Variants in PTPRD observed in about 807,000 individuals in gnomAD.
PTPRD encodes receptor-type tyrosine-protein phosphatase delta.
In PTPRD, 34 loss-of-function variants were observed where a neutral mutation model predicts 214.5. The observed-to-expected ratio is 0.16, with a 90% confidence interval of 0.12 to 0.21. The LOEUF is 0.21. Among genes scored for constraint, PTPRD ranks in the 10% least tolerant of loss-of-function variants. The pLI is 1.00. For missense variants in PTPRD, 2,545 were observed against 2,398.7 expected, an observed-to-expected ratio of 1.06 and a Z score of -1.27; for synonymous variants, 1,128 against 845.7, an observed-to-expected ratio of 1.33 and a Z score of -5.79.
chr9:8,938,439 C>A (rs1366903149), intron 11 of PTPRD, among the ~76,000 whole-genome samples: 1 of 152,030 alleles, frequency 6.6e-6, no homozygotes, highest in Admixed American at 6.6e-5. Context: ...AATCATACGG[C>A]CAAAATATAC....
chr9:9,595,955 A>T (rs1228072039), intron 7 of PTPRD, among the ~76,000 whole-genome samples: 1 of 151,926 alleles, frequency 6.6e-6, no homozygotes, highest in Non-Finnish European at 1.5e-5. Context: ...ATAAAAAAAA[A>T]ATAAAAAATA....
chr9:9,930,027 CAAAA>C (rs1479599809), intron 5 of PTPRD, among the ~76,000 whole-genome samples: 2 of 151,968 alleles, frequency 1.3e-5, no homozygotes, highest in Non-Finnish European at 2.9e-5. Flanking sequence ...CTGTAGGAAA[CAAAA>C]CAAAACAAAA....
At chr9:9,980,639 A>AAC in intron 4 of PTPRD, among the ~76,000 whole-genome samples, 4 of 135,004 alleles carry the variant, frequency 3.0e-5, no homozygotes, top group South Asian at 2.4e-4. Flanking sequence ...AAAAAACAAA[A>AAC]AAAAAAACCC....
intron 4 of PTPRD, among the ~76,000 whole-genome samples, chr9:10,024,015 T>G (rs1447619026): frequency 6.6e-6 from 1 of 152,156 alleles, no homozygotes; most frequent in Admixed American, 6.5e-5. Context: ...TTTCCAATCA[T>G]GAGTACTTTC....
intron 2 of PTPRD, among the ~76,000 whole-genome samples, chr9:10,373,128 G>A (rs7032711): frequency 0.022 from 3,266 of 146,882 alleles, 125 homozygotes; most frequent in African/African-American, 0.077. Flanking sequence ...CACTGTGCCC[G>A]GCCTGTCTTT....
chr9:8,865,612 C>A (rs1448032078), intron 11 of PTPRD, among the ~76,000 whole-genome samples: 1 of 152,012 alleles, frequency 6.6e-6, no homozygotes, highest in African/African-American at 2.4e-5. Context: ...TATAATTTCA[C>A]CCTATTAAAT....
chr9:8,436,712 A>C, intron 34 of PTPRD, 23 bp from the exon 35 acceptor site: 1 of 1,554,496 alleles, frequency 6.4e-7, no homozygotes, highest in Non-Finnish European at 8.9e-7. Context: ...GCAAAGAAGA[A>C]ACACATTTGA....
chr9:8,843,559 C>G (rs1057236530), intron 11 of PTPRD, among the ~76,000 whole-genome samples: 1 of 152,074 alleles, frequency 6.6e-6, no homozygotes, highest in Admixed American at 6.6e-5. Flanking sequence ...GGTTATTAAC[C>G]ACTTCAAATG....
chr9:9,700,932 T>C (rs1454900787), intron 7 of PTPRD, among the ~76,000 whole-genome samples: 1 of 152,024 alleles, frequency 6.6e-6, no homozygotes, highest in Non-Finnish European at 1.5e-5. Context: ...ATACTAGGTG[T>C]TAACAGCAAA....
intron 2 of PTPRD, among the ~76,000 whole-genome samples, chr9:10,576,854 C>A (rs1033210961): frequency 2.6e-5 from 4 of 152,098 alleles, no homozygotes; most frequent in African/African-American, 9.7e-5. Flanking sequence ...TCATTGTTAA[C>A]AAGGGTAGAT....
At chr9:8,854,285 G>A (rs1043304553) in intron 11 of PTPRD, among the ~76,000 whole-genome samples, 2 of 152,090 alleles carry the variant, frequency 1.3e-5, no homozygotes, top group East Asian at 1.9e-4. Context: ...TATACTGCCT[G>A]CAAATACACA....
chr9:9,252,238 T>C (rs771343201), intron 9 of PTPRD, among the ~76,000 whole-genome samples: 1 of 152,070 alleles, frequency 6.6e-6, no homozygotes, highest in Non-Finnish European at 1.5e-5. Context: ...ACTTCCCTTT[T>C]GTACAGGAAA....
intron 3 of PTPRD, among the ~76,000 whole-genome samples, chr9:10,327,488 T>A (rs1429739764): frequency 6.6e-6 from 1 of 151,536 alleles, no homozygotes; most frequent in African/African-American, 2.4e-5. Flanking sequence ...CCAGAAAGAT[T>A]TAATAAAAAT....
At chr9:9,713,245 G>C (rs1307622255) in intron 7 of PTPRD, among the ~76,000 whole-genome samples, 1 of 152,132 alleles carries the variant, frequency 6.6e-6, no homozygotes, top group Non-Finnish European at 1.5e-5. Context: ...TAAGCTTAAA[G>C]ACACAAATTC....
At chr9:10,542,612 T>C (rs917501930) in intron 2 of PTPRD, among the ~76,000 whole-genome samples, 5 of 152,190 alleles carry the variant, frequency 3.3e-5, no homozygotes, top group Non-Finnish European at 7.4e-5. Context: ...CTCAGAGTTA[T>C]AATAGTTGTT....
At chr9:10,184,306 T>A (rs2099317954) in intron 3 of PTPRD, among the ~76,000 whole-genome samples, 1 of 152,056 alleles carries the variant, frequency 6.6e-6, no homozygotes, top group Non-Finnish European at 1.5e-5. Flanking sequence ...GCGCCTGTAA[T>A]CCCAGCTGCT....
intron 2 of PTPRD, among the ~76,000 whole-genome samples, chr9:10,478,847 C>A (rs544609791): frequency 2.6e-5 from 4 of 151,620 alleles, no homozygotes; most frequent in Admixed American, 2.0e-4. Context: ...TGAAACTGAA[C>A]AAGAAAATTC....
intron 14 of PTPRD, among the ~76,000 whole-genome samples, chr9:8,593,796 T>C (rs766585700): frequency 6.6e-6 from 1 of 152,192 alleles, no homozygotes; most frequent in Non-Finnish European, 1.5e-5. Flanking sequence ...CATAGCACCC[T>C]TGGCAAATGG....
intron 14 of PTPRD, among the ~76,000 whole-genome samples, chr9:8,580,264 C>G (rs1317280095): frequency 1.3e-5 from 2 of 152,108 alleles, no homozygotes; most frequent in East Asian, 3.9e-4. Flanking sequence ...AGGGAGATAA[C>G]TGACAAACCA....
Sources: gnomAD v4.1 joint callset for allele counts (sites outside exome capture counted in the v4.1 genomes callset) on GRCh38, gnomAD v4.1.1 for gene constraint, MANE v1.5 for transcripts, NCBI Gene and HGNC (gene_info 2026-07-23, HGNC 2026-07-21) for gene names.